IGF2BP2: variants seen among roughly 807,000 people sequenced by gnomAD.
IGF2BP2 encodes the protein insulin-like growth factor 2 mRNA-binding protein 2.
Under a neutral mutation model 75.8 loss-of-function variants are expected in IGF2BP2, and 17 were observed. That is an observed-to-expected ratio of 0.22 (90% confidence interval 0.15 to 0.34). The LOEUF (loss-of-function observed/expected upper bound fraction) is 0.34. Ranked by LOEUF, IGF2BP2 falls within the 10% of genes least tolerant of loss-of-function variation. The pLI, the probability that IGF2BP2 is intolerant of heterozygous loss-of-function variation, is 1.00. For synonymous variants in IGF2BP2, 288 were observed against 295.6 expected (o/e 0.97, Z 0.26); for missense variants, 516 against 772.4 (o/e 0.67, Z 3.93).
intron 2 of IGF2BP2, among the ~76,000 whole-genome samples, chr3:185,759,052 GA>G (rs986032015): frequency 5.3e-5 from 8 of 152,168 alleles, no homozygotes; most frequent in African/African-American, 1.7e-4. Context: ...CTGTGAGGGG[GA>G]CACACCTAGT....
chr3:185,812,406 G>A (rs1305381745), intron 2 of IGF2BP2, among the ~76,000 whole-genome samples: 1 of 152,214 alleles, frequency 6.6e-6, no homozygotes, highest in African/African-American at 2.4e-5. Context: ...ATTCTATGTT[G>A]TTGACTATAG....
chr3:185,784,966 T>C (rs910859762), intron 2 of IGF2BP2, among the ~76,000 whole-genome samples: 1 of 152,180 alleles, frequency 6.6e-6, no homozygotes, highest in Admixed American at 6.5e-5. Flanking sequence ...CTTAATTTTT[T>C]CAGGGAAAAT....
intron 2 of IGF2BP2, among the ~76,000 whole-genome samples, chr3:185,794,301 TCAC>T: frequency 1.4e-5 from 1 of 72,360 alleles, no homozygotes; most frequent in African/African-American, 7.5e-5. Flanking sequence ...TGCCCTCATA[TCAC>T]AGGTGTGTCT....
chr3:185,821,780 A>G (rs1170279456), intron 2 of IGF2BP2, among the ~76,000 whole-genome samples: 7 of 152,176 alleles, frequency 4.6e-5, no homozygotes, highest in Non-Finnish European at 8.8e-5. Context: ...CAAATTTTCA[A>G]GTGTTGTGAG....
chr3:185,743,573 G>C (rs927567566), intron 2 of IGF2BP2, among the ~76,000 whole-genome samples: 5 of 152,192 alleles, frequency 3.3e-5, no homozygotes, highest in Non-Finnish European at 4.4e-5. Flanking sequence ...ACCACGTCTG[G>C]CCTATATTTT....
Position 185,643,857 on chromosome 3 carries a change from G to C in IGF2BP2, c.*1674C>G, listed in dbSNP as rs1325073050. Reference sequence around the variant, plus strand: ...GGCATTGCAGTCTGGTGGTATAATGGCTTGTCCACATAAACCAGTACATGT... The same window carrying C: ...GGCATTGCAGTCTGGTGGTATAATGCCTTGTCCACATAAACCAGTACATGT... On this transcript the variant is annotated 3_prime_UTR_variant, in exon 16 of 16. Transcript: ENST00000382199. The C allele has an allele frequency of 6.8e-6, 1 of 147,128 alleles. No individual in the cohort carries two copies. The highest frequency in any genetic ancestry group is 1.5e-5 in the Non-Finnish European group (1 of 67,290). The allele number at this position is 147,128 out of a possible 1,614,324, so 9.1% of individuals were successfully genotyped here. A position where few individuals can be genotyped will look rare whatever the true frequency, so the allele number is the denominator to read the frequency against.
chr3:185,749,953 C>A (rs538005693), intron 2 of IGF2BP2, among the ~76,000 whole-genome samples: 2 of 152,188 alleles, frequency 1.3e-5, no homozygotes, highest in African/African-American at 2.4e-5. Flanking sequence ...ATCACCCACG[C>A]GGACTTACTG....
intron 2 of IGF2BP2, 52 bp downstream of exon 2, chr3:185,823,101 T>C: frequency 7.9e-7 from 1 of 1,263,860 alleles, no homozygotes; most frequent in African/African-American, 1.5e-5. Flanking sequence ...GTACGTTTTT[T>C]ACTTATACGT....
intron 2 of IGF2BP2, among the ~76,000 whole-genome samples, chr3:185,773,952 A>G (rs1734203823): frequency 6.6e-6 from 1 of 152,116 alleles, no homozygotes; most frequent in Non-Finnish European, 1.5e-5. Context: ...AGATCTTCTC[A>G]CTTCTGGCCC....
intron 2 of IGF2BP2, among the ~76,000 whole-genome samples, chr3:185,786,504 T>C (rs1366259481): frequency 6.6e-6 from 1 of 152,184 alleles, no homozygotes; most frequent in African/African-American, 2.4e-5. Context: ...TTCCTTCTCC[T>C]GGCTCAGAAG....
chr3:185,712,622 A>G (rs771195941), intron 2 of IGF2BP2: 2 of 152,164 alleles, frequency 1.3e-5, no homozygotes, highest in Non-Finnish European at 2.9e-5. Context: ...TCTATGATTT[A>G]CCTCATTTTG....
intron 2 of IGF2BP2, among the ~76,000 whole-genome samples, chr3:185,792,207 G>A (rs1039480088): frequency 1.6e-4 from 25 of 152,138 alleles, no homozygotes; most frequent in Admixed American, 7.2e-4. Flanking sequence ...TACTTAATGG[G>A]TTCAGGTACC....
At chr3:185,766,390 C>A (rs1224380830) in intron 2 of IGF2BP2, among the ~76,000 whole-genome samples, 1 of 151,946 alleles carries the variant, frequency 6.6e-6, no homozygotes, top group African/African-American at 2.4e-5. Flanking sequence ...AGCCAGCCAC[C>A]TGTTTTTGTA....
chr3:185,643,769 CTTTTTTTTTCTTTTTTT>C lies in IGF2BP2; in HGVS notation c.*1745_*1761del, dbSNP rs1713023169. The C allele has an allele frequency of 1.7e-5, 2 of 120,412 alleles. No individual in the cohort carries two copies. Among genetic ancestry groups the C allele is most frequent in the Admixed American group, 8.3e-5 (1 of 12,076 alleles). The allele number at this position is 120,412 out of a possible 1,614,324, so 7.5% of individuals were successfully genotyped here. A position where few individuals can be genotyped will look rare whatever the true frequency, so the allele number is the denominator to read the frequency against. ...TTAGCTGGATATATTTCTGTTTTTTCTTTTTTTTTCTTTTTTTTTTTTTTTTTTTTGTCACAGAACAC... is the reference window on the plus strand; with the variant it reads ...TTAGCTGGATATATTTCTGTTTTTTCTTTTTTTTTTTTTGTCACAGAACAC... On this transcript the variant is annotated 3_prime_UTR_variant, in exon 16 of 16. Coordinates refer to ENST00000382199, the MANE Select transcript of IGF2BP2 (RefSeq NM_006548.6).
chr3:185,751,326 C>T (rs1253448712), intron 2 of IGF2BP2, among the ~76,000 whole-genome samples: 1 of 152,126 alleles, frequency 6.6e-6, no homozygotes, highest in Non-Finnish European at 1.5e-5. Flanking sequence ...GCCTGTAATC[C>T]CAGCACTTTG....
Position 185,708,910 on chromosome 3 carries a change from G to A in IGF2BP2, c.240-10563C>T, listed in dbSNP as rs563390299. 9.8e-5 allele frequency among the ~76,000 whole-genome samples: 15 copies of A among 152,292 alleles called. No individual in the cohort carries two copies. In the South Asian group the frequency reaches 1.2e-3, roughly 13 times the overall value. ...GCATGCCTGCTTTCAGTTTTTCAAG[G>A]TCTAAACAGAGTAAAAACCAAAAGC... On this transcript the variant is annotated intron_variant, in intron 2 of 15. Coordinates refer to ENST00000382199, the MANE Select transcript of IGF2BP2 (RefSeq NM_006548.6).
intron 2 of IGF2BP2, among the ~76,000 whole-genome samples, chr3:185,805,373 C>T (rs1360382561): frequency 6.6e-6 from 1 of 152,144 alleles, no homozygotes; most frequent in African/African-American, 2.4e-5. Context: ...GAAAGACTGC[C>T]TGGTTACCAA....
At chr3:185,724,877 G>GT (rs1164262286) in intron 2 of IGF2BP2, 1 of 152,188 alleles carries the variant, frequency 6.6e-6, no homozygotes, top group African/African-American at 2.4e-5. Flanking sequence ...TCATGCTTCT[G>GT]AACATGGTGA....
In IGF2BP2 at chr3:185,753,010, G is replaced by T. The variant is rs530655167; in HGVS notation, c.240-54663C>A. 2.0e-5 allele frequency among the ~76,000 whole-genome samples: 3 copies of T among 152,306 alleles called. No homozygotes were observed. The East Asian group carries it at 5.8e-4, about 29-fold the overall frequency. On this transcript the variant is annotated intron_variant, in intron 2 of 15. Transcript: ENST00000382199. ...CAGGGGGCTGAGGGTGGTAGTAGGG[G>T]AGACAAATCTAAGCCTTACAAGATA...
Sources: gnomAD v4.1 joint callset for allele counts (sites outside exome capture counted in the v4.1 genomes callset) on GRCh38, gnomAD v4.1.1 for gene constraint, MANE v1.5 for transcripts, NCBI Gene and HGNC (gene_info 2026-07-23, HGNC 2026-07-21) for gene names.